Variants in EFCAB11 observed in about 807,000 individuals in gnomAD.
EFCAB11 encodes EF-hand calcium-binding domain-containing protein 11.
A neutral mutation model predicts 23.0 loss-of-function variants in EFCAB11; 14 were observed. That is an observed-to-expected ratio of 0.61 (90% CI 0.40 to 0.95). The LOEUF (loss-of-function observed/expected upper bound fraction) is 0.95. EFCAB11 is among the 40% of genes least tolerant of loss of function. The probability of loss-of-function intolerance (pLI) is 0.00; values close to 1 mark genes in which losing one functional copy is unlikely to be tolerated. For missense variants in EFCAB11, 198 were observed against 195.8 expected, an observed-to-expected ratio of 1.01 and a Z score of -0.07; for synonymous variants, 65 against 66.6, an observed-to-expected ratio of 0.98 and a Z score of 0.11.
intron 5 of EFCAB11, among the ~76,000 whole-genome samples, chr14:89,847,001 C>T (rs1187813145): frequency 6.6e-6 from 1 of 152,204 alleles, no homozygotes; most frequent in Non-Finnish European, 1.5e-5. Flanking sequence ...TTAAATATCT[C>T]CCTGGATTCC....
intron 5 of EFCAB11, among the ~76,000 whole-genome samples, chr14:89,849,895 T>A (rs1887550956): frequency 6.6e-6 from 1 of 152,202 alleles, no homozygotes. Context: ...AGATAAATTC[T>A]ACGCTATCAT....
At chr14:89,870,669 T>C (rs2140162143) in intron 5 of EFCAB11, among the ~76,000 whole-genome samples, 1 of 151,090 alleles carries the variant, frequency 6.6e-6, no homozygotes, top group South Asian at 2.1e-4. Flanking sequence ...CGGTGGCTCA[T>C]GCCTGTAATC....
In EFCAB11 at chr14:89,952,415, C is replaced by CA. The variant is rs1474160887; in HGVS notation, c.171+1490dup. 6.1e-6 allele frequency: 6 copies of CA among 985,238 alleles called. No individual in the cohort carries two copies. In the Admixed American group the frequency reaches 2.5e-4, roughly 40 times the overall value. The allele number at this position is 985,238 out of a possible 1,614,324, so 61.0% of individuals were successfully genotyped here. A position where few individuals can be genotyped will look rare whatever the true frequency, so the allele number is the denominator to read the frequency against. ...TTTCCAGGTGAATCCAAGTTAAATA[C>CA]AATGCTTCACAGGCTGACTCTTTTC... On this transcript the variant is annotated intron_variant, in intron 2 of 5. Coordinates refer to ENST00000316738, the MANE Select transcript of EFCAB11 (RefSeq NM_145231.4).
intron 5 of EFCAB11, among the ~76,000 whole-genome samples, chr14:89,885,781 GAGAAAGAAAGAAAGAAGACAGCAACTA>G (rs1566796911): frequency 7.5e-6 from 1 of 133,210 alleles, no homozygotes; most frequent in African/African-American, 2.8e-5. Flanking sequence ...GAAAGAAAGA[GAGAAAGAAAGAAAGAAGACAGCAACTA>G]AAAGAAAGAA....
At chr14:89,855,423 C>A (rs1245164620) in intron 5 of EFCAB11, among the ~76,000 whole-genome samples, 1 of 152,098 alleles carries the variant, frequency 6.6e-6, no homozygotes, top group Non-Finnish European at 1.5e-5. Flanking sequence ...CTGCAGTGAG[C>A]CATGATCGTG....
intron 5 of EFCAB11, among the ~76,000 whole-genome samples, chr14:89,846,219 G>C (rs562101790): frequency 8.5e-5 from 13 of 152,214 alleles, no homozygotes; most frequent in African/African-American, 2.9e-4. Context: ...TTCTGAAAGC[G>C]TAAGCTGTAC....
At chr14:89,846,309 G>A (rs1887429778) in intron 5 of EFCAB11, among the ~76,000 whole-genome samples, 1 of 152,204 alleles carries the variant, frequency 6.6e-6, no homozygotes, top group Admixed American at 6.5e-5. Flanking sequence ...AAAAGTTGAA[G>A]ATTCTATCAG....
intron 5 of EFCAB11, chr14:89,924,653 G>C (rs1375282307): frequency 6.5e-7 from 1 of 1,535,628 alleles, no homozygotes; most frequent in African/African-American, 1.4e-5. Flanking sequence ...GACAGCCGAA[G>C]TTAAATCATG....
intron 5 of EFCAB11, among the ~76,000 whole-genome samples, chr14:89,899,857 G>A (rs1188295207): frequency 6.6e-6 from 1 of 152,158 alleles, no homozygotes; most frequent in African/African-American, 2.4e-5. Flanking sequence ...GAATTCTGGT[G>A]CACTGAGGGT....
intron 5 of EFCAB11, among the ~76,000 whole-genome samples, chr14:89,834,393 A>C (rs1021775032): frequency 6.7e-6 from 1 of 150,186 alleles, no homozygotes; most frequent in Non-Finnish European, 1.5e-5. Flanking sequence ...AAAAAAAAAA[A>C]AAAAAAAAAA....
chr14:89,817,534 T>C (rs10144155), intron 5 of EFCAB11, among the ~76,000 whole-genome samples: 3,532 of 152,050 alleles, frequency 0.023, 140 homozygotes, highest in African/African-American at 0.08. Context: ...AAAAAAATTA[T>C]AAATATAAAC....
At chr14:89,881,871 A>C (rs1301382477) in intron 5 of EFCAB11, among the ~76,000 whole-genome samples, 1 of 152,210 alleles carries the variant, frequency 6.6e-6, no homozygotes, top group Non-Finnish European at 1.5e-5. Flanking sequence ...ATGCACTTGA[A>C]CAAAAATAAT....
At position 89,796,293 on chromosome 14, in the gene EFCAB11, T is replaced by C. The variant is rs1460625811; in HGVS notation, c.*950A>G. 1 of 152,216 alleles carries C rather than the reference T, an allele frequency of 6.6e-6. No homozygotes were observed. Among genetic ancestry groups the C allele is most frequent in the African/African-American group, 2.4e-5 (1 of 41,448 alleles). 9.4% of individuals were successfully genotyped at this position (152,216 alleles called of 1,614,324 possible). On this transcript the variant is annotated 3_prime_UTR_variant, in exon 6 of 6. Transcript: ENST00000316738. ...GGACATTATCTTAGAGAAGTCTTTA[T>C]ATGTTTTTTTTTAATTGAAAGTGTT...
At chr14:89,828,425 T>C (rs1886774615) in intron 5 of EFCAB11, among the ~76,000 whole-genome samples, 1 of 152,188 alleles carries the variant, frequency 6.6e-6, no homozygotes, top group African/African-American at 2.4e-5. Context: ...AAAATACTTT[T>C]CTGAGTATGA....
At chr14:89,915,586 T>A (rs1889815653) in intron 5 of EFCAB11, among the ~76,000 whole-genome samples, 1 of 152,228 alleles carries the variant, frequency 6.6e-6, no homozygotes. Context: ...CTAAATAAAA[T>A]TAGAAATGCA....
chr14:89,929,665 T>C (rs927620702), intron 5 of EFCAB11, among the ~76,000 whole-genome samples: 1 of 152,174 alleles, frequency 6.6e-6, no homozygotes, highest in African/African-American at 2.4e-5. Context: ...GGATTACAGA[T>C]ATGAGCCACC....
intron 5 of EFCAB11, among the ~76,000 whole-genome samples, chr14:89,809,126 C>G (rs1169281719): frequency 1.3e-5 from 2 of 152,208 alleles, no homozygotes; most frequent in African/African-American, 4.8e-5. Context: ...CTGTCCACCT[C>G]TCTCCCTCTG....
intron 5 of EFCAB11, among the ~76,000 whole-genome samples, chr14:89,812,690 T>C (rs1886185977): frequency 1.3e-5 from 2 of 152,222 alleles, no homozygotes; most frequent in Admixed American, 1.3e-4. Context: ...AAATGGGGAT[T>C]ACTTAACAAA....
intron 5 of EFCAB11, among the ~76,000 whole-genome samples, chr14:89,822,534 C>G (rs1468622069): frequency 6.6e-6 from 1 of 152,136 alleles, no homozygotes; most frequent in Non-Finnish European, 1.5e-5. Context: ...GGCTGAGAGT[C>G]TAGAATTTGT....
Sources: gnomAD v4.1 joint callset for allele counts (sites outside exome capture counted in the v4.1 genomes callset) on GRCh38, gnomAD v4.1.1 for gene constraint, MANE v1.5 for transcripts, NCBI Gene and HGNC (gene_info 2026-07-23, HGNC 2026-07-21) for gene names.